The following MRTFB variants were observed in gnomAD, a reference collection of about 807,000 sequenced individuals.
MRTFB encodes myocardin related transcription factor B.
A neutral mutation model predicts 104.2 loss-of-function variants in MRTFB; 29 were observed. That is an observed-to-expected ratio of 0.28 (90% CI 0.21 to 0.38). MRTFB has a LOEUF of 0.38. Among genes scored for constraint, MRTFB ranks in the 10% least tolerant of loss-of-function variants. The pLI is 1.00. For missense variants in MRTFB, 1,270 were observed against 1,341.6 expected (o/e 0.95, Z 0.83); for synonymous variants, 535 against 519.5 (o/e 1.03, Z -0.41).
At chr16:14,220,486 C>G (rs2041643010) in intron 8 of MRTFB, among the ~76,000 whole-genome samples, 1 of 152,204 alleles carries the variant, frequency 6.6e-6, no homozygotes, top group Non-Finnish European at 1.5e-5. Context: ...ATTGCTGGTA[C>G]TACTGTGTTT....
At chr16:14,041,474 A>G in the MRTFB span, among the ~76,000 whole-genome samples, 1 of 152,192 alleles carries the variant, frequency 6.6e-6, no homozygotes, top group South Asian at 2.1e-4. Flanking sequence ...ACTCAGCATA[A>G]TGTTCATCCG....
At chr16:14,012,310 T>C in the MRTFB span, among the ~76,000 whole-genome samples, 1,215 of 143,130 alleles carry the variant, frequency 8.5e-3, 27 homozygotes, top group Non-Finnish European at 8.4e-3. Context: ...TTTTTTTTTT[T>C]TTTTTTGAGA....
At chr16:14,028,666 C>G in the MRTFB span, among the ~76,000 whole-genome samples, 1 of 152,290 alleles carries the variant, frequency 6.6e-6, no homozygotes, top group Non-Finnish European at 1.5e-5. Flanking sequence ...CCTCTTAGGC[C>G]TGGGTTGGAG....
chr16:13,997,560 T>A, the MRTFB span, among the ~76,000 whole-genome samples: 6 of 151,560 alleles, frequency 4.0e-5, no homozygotes, highest in African/African-American at 1.5e-4. Context: ...TTTGGGAGGC[T>A]GAAGCAAGAG....
chr16:14,039,546 C>G, the MRTFB span, among the ~76,000 whole-genome samples: 5 of 152,030 alleles, frequency 3.3e-5, no homozygotes, highest in African/African-American at 7.2e-5. Context: ...AACTATTTTT[C>G]TCATTACCTT....
At chr16:14,199,276 T>C (rs1002259309) in intron 3 of MRTFB, among the ~76,000 whole-genome samples, 16 of 152,238 alleles carry the variant, frequency 1.1e-4, no homozygotes, top group African/African-American at 3.9e-4. Context: ...TCCTTCCCTA[T>C]CTGACCTGTA....
chr16:14,213,601 C>G lies in MRTFB; in HGVS notation c.333C>G (p.Val111=). 6.3e-7 allele frequency: 1 copy of G among 1,597,964 alleles called. No individual in the cohort carries two copies. Among genetic ancestry groups the G allele is most frequent in the Non-Finnish European group, 8.5e-7 (1 of 1,172,554 alleles). Residue 111 remains valine, a synonymous_variant, in exon 6 of 17, where the codon GTC becomes GTG. Transcript: ENST00000571589. Reference sequence around the variant, plus strand: ...GTCGACCAGATCGTTCTGAACTTGTCAGGATGCACATTTTAGAAGGTAAAG... The same window carrying G: ...GTCGACCAGATCGTTCTGAACTTGTGAGGATGCACATTTTAGAAGGTAAAG... ...IRSRPDRSEL[V]RMHILEETFA...
At chr16:14,090,028 A>G (rs999286473) in intron 2 of MRTFB, among the ~76,000 whole-genome samples, 2 of 151,942 alleles carry the variant, frequency 1.3e-5, no homozygotes, top group African/African-American at 4.8e-5. Flanking sequence ...ATACACACAC[A>G]CCCCCAAACA....
intron 8 of MRTFB, among the ~76,000 whole-genome samples, chr16:14,221,091 T>G (rs771322562): frequency 5.9e-5 from 9 of 152,188 alleles, no homozygotes; most frequent in Non-Finnish European, 1.2e-4. Flanking sequence ...AATTCTTAAG[T>G]AGGATTATTA....
At chr16:14,252,309 G>A in intron 14 of MRTFB, 56 bp from the exon 15 acceptor site, 10 of 1,581,154 alleles carry the variant, frequency 6.3e-6, no homozygotes, top group Non-Finnish European at 8.6e-6. Flanking sequence ...GTCTAGCCAG[G>A]AAAAGAGAGG....
At chr16:14,104,161 T>G (rs2142084811) in intron 2 of MRTFB, among the ~76,000 whole-genome samples, 1 of 152,190 alleles carries the variant, frequency 6.6e-6, no homozygotes, top group South Asian at 2.1e-4. Context: ...GGAGGGTGTG[T>G]TTAGGTATGA....
At chr16:14,092,580 C>T (rs563031976) in intron 2 of MRTFB, 3 of 152,206 alleles carry the variant, frequency 2.0e-5, no homozygotes, top group Admixed American at 1.3e-4. Flanking sequence ...GCTGACAGTC[C>T]TGCCAATGAT....
At chr16:14,029,506 CAT>C in the MRTFB span, among the ~76,000 whole-genome samples, 31 of 108,954 alleles carry the variant, frequency 2.8e-4, no homozygotes, top group East Asian at 3.8e-3. Context: ...TATATATACA[CAT>C]ATATATACAC....
chr16:13,999,269 A>G, the MRTFB span, among the ~76,000 whole-genome samples: 6 of 152,058 alleles, frequency 3.9e-5, no homozygotes, highest in Non-Finnish European at 8.8e-5. Context: ...TGCAAAATGA[A>G]TAAACCATAT....
At chr16:14,025,013 T>G in the MRTFB span, among the ~76,000 whole-genome samples, 2 of 152,218 alleles carry the variant, frequency 1.3e-5, no homozygotes, top group Non-Finnish European at 2.9e-5. Context: ...TTCCTTTTTT[T>G]GTAATGTACA....
chr16:14,176,450 T>A (rs895026991), intron 3 of MRTFB, among the ~76,000 whole-genome samples: 1 of 152,224 alleles, frequency 6.6e-6, no homozygotes, highest in Non-Finnish European at 1.5e-5. Flanking sequence ...GCCCAGAGAA[T>A]TAAACCCTAC....
chr16:14,138,843 A>G (rs1411445500), intron 2 of MRTFB, among the ~76,000 whole-genome samples: 3 of 152,250 alleles, frequency 2.0e-5, no homozygotes, highest in Admixed American at 1.3e-4. Flanking sequence ...CTTGTCAACA[A>G]ATGATGGTAG....
chr16:14,174,310 A>G (rs986501645), intron 3 of MRTFB, among the ~76,000 whole-genome samples: 6 of 152,066 alleles, frequency 3.9e-5, no homozygotes, highest in African/African-American at 1.4e-4. Flanking sequence ...TTGTTTTGTA[A>G]CAGTGGTTGC....
At chr16:14,195,575 T>A in intron 3 of MRTFB, 1 of 985,394 alleles carries the variant, frequency 1.0e-6, no homozygotes, top group East Asian at 1.1e-4. Context: ...TAGCATGTGC[T>A]TACTATTCTG....
Sources: allele counts gnomAD v4.1 joint callset (sites outside exome capture counted in the v4.1 genomes callset), GRCh38; gene constraint gnomAD v4.1.1; transcripts MANE v1.5; gene names NCBI Gene and HGNC (gene_info 2026-07-23, HGNC 2026-07-21).